NLGN4X: variants seen among roughly 807,000 people sequenced by gnomAD.
The protein encoded by NLGN4X is neuroligin 4 X-linked, also known as neuroligin-4, X-linked.
Under a neutral mutation model 40.3 loss-of-function variants are expected in NLGN4X, and 3 were observed. That is an observed-to-expected ratio of 0.07 (90% CI 0.03 to 0.19). NLGN4X has a LOEUF of 0.19. Ranked by LOEUF, NLGN4X falls within the 10% of genes least tolerant of loss-of-function variation. The probability of loss-of-function intolerance (pLI) is 1.00; values close to 1 mark genes in which losing one functional copy is unlikely to be tolerated. For missense variants in NLGN4X, 382 were observed against 708.3 expected (o/e 0.54, Z 5.23); for synonymous variants, 270 against 306.8 (o/e 0.88, Z 1.25).
At chrX:6,039,565 T>C (rs1407106295) in intron 2 of NLGN4X, among the ~76,000 whole-genome samples, 1 of 112,432 alleles carries the variant, frequency 8.9e-6, no homozygotes, top group Non-Finnish European at 1.9e-5. Context: ...GCATATTTCT[T>C]TCCAAACAAG....
At chrX:5,972,467 CCTT>C (rs746985880) in intron 3 of NLGN4X, among the ~76,000 whole-genome samples, 350 of 111,245 alleles carry the variant, frequency 3.1e-3, no homozygotes, top group Non-Finnish European at 4.7e-3. Flanking sequence ...TTATTGTAAT[CCTT>C]CTTTCACTAA....
chrX:6,135,220 A>T (rs758492873), intron 2 of NLGN4X, among the ~76,000 whole-genome samples: 22 of 111,376 alleles, frequency 2.0e-4, no homozygotes, highest in Non-Finnish European at 4.0e-4. Context: ...CCCAACATAG[A>T]ACTGCCTGGA....
chrX:6,045,009 T>G (rs1300289610), intron 2 of NLGN4X, among the ~76,000 whole-genome samples: 1 of 111,828 alleles, frequency 8.9e-6, no homozygotes, highest in African/African-American at 3.3e-5. Flanking sequence ...CAAAGCATAC[T>G]CCAATAAAAT....
At chrX:5,921,739 A>C (rs1174194219) in intron 3 of NLGN4X, among the ~76,000 whole-genome samples, 3 of 111,896 alleles carry the variant, frequency 2.7e-5, no homozygotes, top group Non-Finnish European at 5.6e-5. Flanking sequence ...AAAACTGAAA[A>C]GTTATTTCTA....
intron 2 of NLGN4X, among the ~76,000 whole-genome samples, chrX:6,066,778 C>G (rs2037928432): frequency 9.1e-6 from 1 of 109,490 alleles, no homozygotes; most frequent in Non-Finnish European, 1.9e-5. Flanking sequence ...GAGTGAGACT[C>G]TGTCTCAAAA....
At chrX:5,912,847 AGGAG>A (rs2032544332) in intron 3 of NLGN4X, among the ~76,000 whole-genome samples, 1 of 88,303 alleles carries the variant, frequency 1.1e-5, no homozygotes, top group Non-Finnish European at 2.2e-5. Flanking sequence ...GAAGGAGGGA[AGGAG>A]GGAGGGAGGG....
Position 6,082,340 on chromosome X carries a change from A to T in NLGN4X, c.473-52908T>A, listed in dbSNP as rs1269508467. Among the ~76,000 whole-genome samples, 3 of 106,558 alleles carry T rather than the reference A, an allele frequency of 2.8e-5. No individual in the cohort carries two copies. The East Asian group carries it at 8.9e-4, about 32-fold the overall frequency. The allele number at this position is 106,558 out of a possible 115,157, so 92.5% of individuals were successfully genotyped here. On this transcript the variant is annotated intron_variant, in intron 2 of 5. Coordinates refer to ENST00000381095, the MANE Select transcript of NLGN4X (RefSeq NM_181332.3). The stretch of plus-strand genomic sequence containing the variant: ...TGCTTGAGCCCAGGAATTCAAAAAC[A>T]GCCTGGGCAATATAGTGGGACTGTG...
chrX:5,901,598 T>C (rs1052086974), intron 5 of NLGN4X, among the ~76,000 whole-genome samples: 5 of 111,221 alleles, frequency 4.5e-5, no homozygotes, highest in South Asian at 3.8e-4. Context: ...TTTTGTATAT[T>C]TTATATTTTC....
intron 5 of NLGN4X, among the ~76,000 whole-genome samples, chrX:5,899,692 T>A (rs1368232981): frequency 1.8e-5 from 1 of 54,205 alleles, no homozygotes; most frequent in Non-Finnish European, 5.0e-5. Context: ...CTTTTTTCCT[T>A]TTTTTTTTTT....
intron 3 of NLGN4X, among the ~76,000 whole-genome samples, chrX:5,970,177 A>AAAATAAAT (rs200984969): frequency 9.2e-6 from 1 of 108,827 alleles, no homozygotes; most frequent in African/African-American, 3.4e-5. Context: ...AGTATAATAA[A>AAAATAAAT]AAATAAATAA....
rs1165075160 is a variant in NLGN4X at position 6,183,270 on chromosome X, G to A, written c.-305-31499C>T. Among the ~76,000 whole-genome samples the A allele has an allele frequency of 8.0e-5, 9 of 112,418 alleles. No homozygotes were observed. In the East Asian group the frequency reaches 8.4e-4, roughly 11 times the overall value. ...AACACCAAAAAAATAAATACTGGCC[G>A]GGCACGGTGGCTCACGCCTCTAATC... On this transcript the variant is annotated intron_variant, in intron 1 of 5. Coordinates refer to ENST00000381095, the MANE Select transcript of NLGN4X (RefSeq NM_181332.3).
At chrX:6,009,374 T>G (rs971948351) in intron 3 of NLGN4X, among the ~76,000 whole-genome samples, 2 of 111,998 alleles carry the variant, frequency 1.8e-5, no homozygotes, top group Admixed American at 1.9e-4. Context: ...CATCTTACAT[T>G]CCCACCAGCA....
chrX:6,010,513 T>TTTATTA (rs58321620), intron 3 of NLGN4X, among the ~76,000 whole-genome samples: 1,657 of 95,375 alleles, frequency 0.017, 21 homozygotes, highest in Middle Eastern at 0.034. Flanking sequence ...TTCTTTTTAT[T>TTTATTA]TTATTATTAT....
chrX:5,907,218 C>A (rs1220646904), intron 4 of NLGN4X, among the ~76,000 whole-genome samples: 1 of 112,238 alleles, frequency 8.9e-6, no homozygotes. Context: ...TATTCACTTG[C>A]GTGTGGCCAG....
intron 2 of NLGN4X, among the ~76,000 whole-genome samples, chrX:6,094,220 T>C (rs994269263): frequency 1.8e-5 from 2 of 110,781 alleles, no homozygotes; most frequent in Admixed American, 1.9e-4. Flanking sequence ...AATACTGACA[T>C]CAGTAACAAA....
intron 3 of NLGN4X, among the ~76,000 whole-genome samples, chrX:6,017,130 C>A (rs1445997150): frequency 3.6e-5 from 4 of 110,979 alleles, no homozygotes; most frequent in Non-Finnish European, 7.5e-5. Flanking sequence ...AGGAAGGAGA[C>A]AATGAAAAAT....
intron 2 of NLGN4X, among the ~76,000 whole-genome samples, chrX:6,111,223 T>C (rs2039141343): frequency 8.9e-6 from 1 of 111,969 alleles, no homozygotes; most frequent in African/African-American, 3.2e-5. Context: ...AATGGTAGTG[T>C]CCTCCCAAAA....
intron 3 of NLGN4X, among the ~76,000 whole-genome samples, chrX:6,005,298 G>A (rs932660990): frequency 3.6e-5 from 4 of 111,728 alleles, no homozygotes; most frequent in Non-Finnish European, 5.6e-5. Flanking sequence ...ATGGACCAAC[G>A]AATACATACC....
chrX:6,213,317 T>C (rs1326211791), intron 1 of NLGN4X, among the ~76,000 whole-genome samples: 2 of 111,129 alleles, frequency 1.8e-5, no homozygotes, highest in Non-Finnish European at 3.8e-5. Flanking sequence ...CTCAAAACTA[T>C]TAAGGTCATG....
Sources: gnomAD v4.1 joint callset for allele counts (sites outside exome capture counted in the v4.1 genomes callset) on GRCh38, gnomAD v4.1.1 for gene constraint, MANE v1.5 for transcripts, NCBI Gene and HGNC (gene_info 2026-07-23, HGNC 2026-07-21) for gene names.